The following EIF6 variants were observed in gnomAD, a reference collection of about 807,000 sequenced individuals.
The protein encoded by EIF6 is eukaryotic translation initiation factor 6.
In EIF6, 10 loss-of-function variants were observed where a neutral mutation model predicts 25.5. The ratio of observed to expected loss-of-function variants is 0.39; its 90% CI spans 0.24 to 0.66. The LOEUF (loss-of-function observed/expected upper bound fraction) is 0.66. Ranked by LOEUF, EIF6 falls within the 30% of genes least tolerant of loss-of-function variation. The pLI, the probability that EIF6 is intolerant of heterozygous loss-of-function variation, is 0.45. For missense variants in EIF6, 246 were observed against 315.4 expected (o/e 0.78, Z 1.67); for synonymous variants, 122 against 122.6 (o/e 1.00, Z 0.03).
Position 35,279,739 on chromosome 20 carries a change from A to C in EIF6, c.555T>G (p.Thr185=). ...CAATCACCTCACTGCCTCGGTTCAC[A>C]GTCCCCGCCTGCCAAGGGATGGGCT... ...SLLQVPLVAG[T]VNRGSEVIAA... is the part of the protein sequence containing the mutation. The change falls in exon 6 of 7, where the codon ACT becomes ACG. Residue 185 remains threonine (T), a synonymous_variant. Transcript: ENST00000374450. 6.2e-7 allele frequency: 1 copy of C among 1,614,100 alleles called. No individual in the cohort carries two copies. Among genetic ancestry groups the C allele is most frequent in the Non-Finnish European group, 8.5e-7 (1 of 1,180,018 alleles).
chr20:35,284,525 G>T (rs567168068), intron 1 of EIF6, 33 bp from the exon 2 acceptor site: 1 of 1,567,028 alleles, frequency 6.4e-7, no homozygotes, highest in African/African-American at 1.3e-5. Flanking sequence ...TTCAAGGCCG[G>T]CGGATCCTTT....
chr20:35,279,335 A>G, intron 6 of EIF6, 129 bp from the exon 7 acceptor site: 3 of 1,355,652 alleles, frequency 2.2e-6, no homozygotes, highest in Non-Finnish European at 3.1e-6. Flanking sequence ...CTACTGCTCT[A>G]GTATCCTAGC....
At chr20:35,282,428 A>G (rs2060783500) in intron 3 of EIF6, among the ~76,000 whole-genome samples, 1 of 152,218 alleles carries the variant, frequency 6.6e-6, no homozygotes, top group Non-Finnish European at 1.5e-5. Flanking sequence ...CACGCCAATC[A>G]ATTTCTGAAT....
At chr20:35,279,854 A>C in intron 5 of EIF6, 88 bp downstream of exon 5, 1 of 1,586,342 alleles carries the variant, frequency 6.3e-7, no homozygotes, top group Non-Finnish European at 8.6e-7. Flanking sequence ...CCCAGTCCCA[A>C]ACTGTGGCAG....
chr20:35,282,420 C>T (rs1382638801), intron 3 of EIF6, among the ~76,000 whole-genome samples: 32 of 152,168 alleles, frequency 2.1e-4, no homozygotes, highest in African/African-American at 2.4e-5. Context: ...TACAAATACA[C>T]GCCAATCAAT....
At chr20:35,282,149 T>A (rs903983908) in intron 3 of EIF6, among the ~76,000 whole-genome samples, 2 of 151,798 alleles carry the variant, frequency 1.3e-5, no homozygotes, top group Non-Finnish European at 2.9e-5. Context: ...CCACCACACC[T>A]GGCTAATTTT....
intron 5 of EIF6, 48 bp from the exon 6 acceptor site, chr20:35,279,795 C>G: frequency 6.2e-7 from 1 of 1,608,314 alleles, no homozygotes; most frequent in Non-Finnish European, 8.5e-7. Flanking sequence ...AATTCTCTCC[C>G]TCCTCAATGA....
At chr20:35,279,436 T>C (rs1215060594) in intron 6 of EIF6, 130 bp downstream of exon 6, 10 of 1,304,416 alleles carry the variant, frequency 7.7e-6, no homozygotes, top group South Asian at 3.9e-5. Context: ...TGTACAGATA[T>C]GCTCTCACAC....
At chr20:35,284,553 C>A (rs2060809017) in intron 1 of EIF6, 61 bp from the exon 2 acceptor site, 3 of 1,537,882 alleles carry the variant, frequency 2.0e-6, no homozygotes, top group Admixed American at 3.7e-5. Flanking sequence ...ATCCCGGCCT[C>A]CGTCCCTCAG....
chr20:35,279,063 TG>T lies in EIF6; in HGVS notation c.*133del. ...GCGATAAGCACAGGTGGAAAAGGGT[TG>T]GGTGCCCAGCCCCTCAGTCCCAGTG... On this transcript the variant is annotated 3_prime_UTR_variant, in exon 7 of 7. Coordinates refer to ENST00000374450, the MANE Select transcript of EIF6 (RefSeq NM_002212.4). The T allele has an allele frequency of 8.9e-7, 1 of 1,123,166 alleles. No homozygotes were observed. The allele number at this position is 1,123,166 out of a possible 1,614,324, so 69.6% of individuals were successfully genotyped here.
intron 3 of EIF6, among the ~76,000 whole-genome samples, chr20:35,282,385 C>A (rs1369376422): frequency 6.6e-6 from 1 of 152,142 alleles, no homozygotes; most frequent in South Asian, 2.1e-4. Flanking sequence ...CAAAACACAC[C>A]ATACAGCAAC....
At chr20:35,283,223 T>C (rs2060791614) in intron 3 of EIF6, among the ~76,000 whole-genome samples, 1 of 151,902 alleles carries the variant, frequency 6.6e-6, no homozygotes, top group South Asian at 2.1e-4. Flanking sequence ...GAAGAGAGTG[T>C]TGCAGTGAGC....
At chr20:35,282,385 C>G (rs1369376422) in intron 3 of EIF6, among the ~76,000 whole-genome samples, 1 of 152,142 alleles carries the variant, frequency 6.6e-6, no homozygotes. Context: ...CAAAACACAC[C>G]ATACAGCAAC....
chr20:35,284,328 T>C (rs1167039101), intron 2 of EIF6, 53 bp downstream of exon 2: 1 of 1,613,818 alleles, frequency 6.2e-7, no homozygotes. Flanking sequence ...CCGGAGCTCT[T>C]GACTCCTGCG....
chr20:35,284,337 C>T (rs1600826823), intron 2 of EIF6, 44 bp downstream of exon 2: 1 of 1,613,792 alleles, frequency 6.2e-7, no homozygotes, highest in East Asian at 2.2e-5. Flanking sequence ...TTGACTCCTG[C>T]GCACGCCTCC....
rs1308112758 is a variant in EIF6, at chr20:35,284,366, G to T, written c.107+15C>A. On this transcript the variant is annotated intron_variant, in intron 2 of 6. Transcript: ENST00000374450. ...CGCCTCCCCGCCACCGTAAGCCCCG[G>T]GGCTCCCGCCGCACCTGTAGAAGTT... 4.3e-6 allele frequency: 7 copies of T among 1,613,558 alleles called. No individual in the cohort carries two copies. Among genetic ancestry groups the T allele is most frequent in the Middle Eastern group, 1.7e-4 (1 of 6,060 alleles).
At chr20:35,280,208 C>T (rs2060762567) in intron 4 of EIF6, 90 bp from the exon 5 acceptor site, 17 of 1,398,836 alleles carry the variant, frequency 1.2e-5, no homozygotes, top group Non-Finnish European at 1.7e-5. Flanking sequence ...GGCCTTGGCT[C>T]CCTGAGCCCC....
intron 4 of EIF6, 129 bp from the exon 5 acceptor site, chr20:35,280,247 G>C: frequency 9.8e-7 from 1 of 1,017,060 alleles, no homozygotes; most frequent in Non-Finnish European, 1.4e-6. Flanking sequence ...TCATATGAAA[G>C]CCTCACCCAG....
intron 3 of EIF6, among the ~76,000 whole-genome samples, chr20:35,283,462 G>A (rs1399595247): frequency 6.6e-6 from 1 of 152,154 alleles, no homozygotes; most frequent in Non-Finnish European, 1.5e-5. Context: ...TGGATGCTTA[G>A]AAAGAGAAAG....
Sources: gnomAD v4.1 joint callset for allele counts (sites outside exome capture counted in the v4.1 genomes callset) on GRCh38, gnomAD v4.1.1 for gene constraint, MANE v1.5 for transcripts, NCBI Gene and HGNC (gene_info 2026-07-23, HGNC 2026-07-21) for gene names.